The following CAMK1D variants were observed in gnomAD, a reference collection of about 807,000 sequenced individuals.
The protein encoded by CAMK1D is calcium/calmodulin dependent protein kinase ID.
CAMK1D carries 9 observed loss-of-function variants against 47.7 expected under a neutral mutation model. That is an observed-to-expected ratio of 0.19 (90% CI 0.11 to 0.33). The LOEUF is 0.33. Ranked by LOEUF, CAMK1D falls within the 10% of genes least tolerant of loss-of-function variation. CAMK1D has a pLI of 1.00. For missense variants in CAMK1D, 291 were observed against 488.7 expected (o/e 0.60, Z 3.81); for synonymous variants, 184 against 184.9 (o/e 0.99, Z 0.04).
At chr10:12,777,773 C>T (rs369634349) in intron 5 of CAMK1D, among the ~76,000 whole-genome samples, 2 of 152,214 alleles carry the variant, frequency 1.3e-5, no homozygotes, top group African/African-American at 2.4e-5. Context: ...TGATGTCCAC[C>T]GTGGGGCTCG....
At chr10:12,431,372 C>T (rs11257789) in intron 1 of CAMK1D, among the ~76,000 whole-genome samples, 15,181 of 152,046 alleles carry the variant, frequency 0.1, 987 homozygotes, top group South Asian at 0.18. Context: ...AGAAAGGAGC[C>T]GGGTGCACAG....
At chr10:12,716,608 C>T (rs1027984189) in intron 3 of CAMK1D, among the ~76,000 whole-genome samples, 2 of 152,106 alleles carry the variant, frequency 1.3e-5, no homozygotes, top group Non-Finnish European at 2.9e-5. Flanking sequence ...ACACCCAGCA[C>T]CCTGCACCTT....
chr10:12,648,439 C>G (rs1839870980), intron 2 of CAMK1D, among the ~76,000 whole-genome samples: 1 of 152,162 alleles, frequency 6.6e-6, no homozygotes. Flanking sequence ...AGATGGACTT[C>G]AGTGTCTTTC....
chr10:12,801,534 C>G (rs1010374536), intron 6 of CAMK1D, among the ~76,000 whole-genome samples: 5 of 151,808 alleles, frequency 3.3e-5, no homozygotes, highest in Non-Finnish European at 5.9e-5. Context: ...TTTATCCATT[C>G]ATCCTTCCAT....
intron 3 of CAMK1D, among the ~76,000 whole-genome samples, chr10:12,691,974 G>C (rs1025538577): frequency 1.3e-5 from 2 of 152,226 alleles, no homozygotes; most frequent in African/African-American, 4.8e-5. Flanking sequence ...TTCTTCTGCA[G>C]CTGTGGGACT....
intron 3 of CAMK1D, among the ~76,000 whole-genome samples, chr10:12,752,977 G>A (rs1054253279): frequency 1.3e-5 from 2 of 152,228 alleles, no homozygotes; most frequent in African/African-American, 4.8e-5. Flanking sequence ...CGGGCATGGT[G>A]GCTCACGCCT....
At chr10:12,510,912 C>T (rs530959594) in intron 1 of CAMK1D, among the ~76,000 whole-genome samples, 9 of 152,304 alleles carry the variant, frequency 5.9e-5, no homozygotes, top group Non-Finnish European at 1.2e-4. Flanking sequence ...CAAGGCGGTC[C>T]CTGCTCTGCT....
chr10:12,677,383 T>C (rs376955613), intron 3 of CAMK1D, among the ~76,000 whole-genome samples: 10 of 152,304 alleles, frequency 6.6e-5, no homozygotes, highest in African/African-American at 1.9e-4. Context: ...CAGATACTAA[T>C]TGAACACCTA....
At chr10:12,563,690 A>AGAGAGAGAGAGAGAGAGAGAGAGAGG (rs1564414460) in intron 2 of CAMK1D, among the ~76,000 whole-genome samples, 5 of 72,234 alleles carry the variant, frequency 6.9e-5, no homozygotes, top group East Asian at 4.2e-4. Context: ...AGAGAGAGAG[A>AGAGAGAGAGAGAGAGAGAGAGAGAGG]GAGAGAGAGG....
chr10:12,506,385 A>C (rs1834871941), intron 1 of CAMK1D, among the ~76,000 whole-genome samples: 2 of 152,086 alleles, frequency 1.3e-5, no homozygotes. Flanking sequence ...GCCTCATTGC[A>C]CTCCAGCCTG....
intron 2 of CAMK1D, among the ~76,000 whole-genome samples, chr10:12,601,018 G>T (rs1246864491): frequency 6.6e-6 from 1 of 152,112 alleles, no homozygotes; most frequent in Non-Finnish European, 1.5e-5. Context: ...CATTATCTTT[G>T]TCCAATCTTC....
intron 3 of CAMK1D, among the ~76,000 whole-genome samples, chr10:12,707,845 A>G (rs932348312): frequency 3.3e-5 from 5 of 152,204 alleles, no homozygotes; most frequent in Non-Finnish European, 5.9e-5. Flanking sequence ...CATAGCTGTG[A>G]AATTAGCCAT....
chr10:12,486,312 C>A (rs1369365966), intron 1 of CAMK1D, among the ~76,000 whole-genome samples: 1 of 152,100 alleles, frequency 6.6e-6, no homozygotes, highest in Non-Finnish European at 1.5e-5. Context: ...GTGCCCACCA[C>A]CACACCTGGC....
At chr10:12,776,590 T>C (rs566389488) in intron 5 of CAMK1D, among the ~76,000 whole-genome samples, 14 of 152,312 alleles carry the variant, frequency 9.2e-5, no homozygotes, top group African/African-American at 3.1e-4. Context: ...CATGACCTTT[T>C]CAGAATGTGT....
chr10:12,813,307 G>A (rs1832679036), intron 6 of CAMK1D, among the ~76,000 whole-genome samples: 1 of 152,166 alleles, frequency 6.6e-6, no homozygotes, highest in African/African-American at 2.4e-5. Flanking sequence ...TGATGTGCAG[G>A]TTATGTGCGT....
chr10:12,508,415 C>T (rs143197892), intron 1 of CAMK1D, among the ~76,000 whole-genome samples: 288 of 152,332 alleles, frequency 1.9e-3, no homozygotes, highest in African/African-American at 6.4e-3. Context: ...GACAAATGTC[C>T]TATGATTCCA....
At chr10:12,588,866 A>ATGCG in intron 2 of CAMK1D, among the ~76,000 whole-genome samples, 1 of 144,284 alleles carries the variant, frequency 6.9e-6, no homozygotes, top group South Asian at 2.1e-4. Flanking sequence ...ATATGTATAT[A>ATGCG]TGTGTGTGTG....
At chr10:12,651,100 C>T (rs368030419) in intron 2 of CAMK1D, among the ~76,000 whole-genome samples, 5 of 152,204 alleles carry the variant, frequency 3.3e-5, no homozygotes, top group East Asian at 1.9e-4. Context: ...CCTTCCTCCC[C>T]GTGTTTCTTT....
intron 3 of CAMK1D, among the ~76,000 whole-genome samples, chr10:12,716,609 C>T (rs1834146526): frequency 6.6e-6 from 1 of 152,208 alleles, no homozygotes; most frequent in African/African-American, 2.4e-5. Flanking sequence ...CACCCAGCAC[C>T]CTGCACCTTC....
Sources: gnomAD v4.1 joint callset for allele counts (sites outside exome capture counted in the v4.1 genomes callset) on GRCh38, gnomAD v4.1.1 for gene constraint, MANE v1.5 for transcripts, NCBI Gene and HGNC (gene_info 2026-07-23, HGNC 2026-07-21) for gene names.